Variants in ANKS1B observed in about 807,000 individuals in gnomAD.
ANKS1B encodes the protein ankyrin repeat and sterile alpha motif domain-containing protein 1B.
Under a neutral mutation model 148.3 loss-of-function variants are expected in ANKS1B, and 36 were observed. That is an observed-to-expected ratio of 0.24 (90% CI 0.19 to 0.32). ANKS1B has a LOEUF of 0.32. ANKS1B is among the 10% of genes least tolerant of loss of function. ANKS1B has a pLI of 1.00. For missense variants in ANKS1B, 1,157 were observed against 1,542.6 expected (o/e 0.75, Z 4.19); for synonymous variants, 542 against 560.8 (o/e 0.97, Z 0.47).
chr12:99,475,082 CA>C (rs1360823315), intron 10 of ANKS1B, among the ~76,000 whole-genome samples: 139 of 136,202 alleles, frequency 1.0e-3, no homozygotes, highest in Admixed American at 1.0e-3. Flanking sequence ...ACTAAAAATA[CA>C]AAAAAAAAAA....
intron 8 of ANKS1B, among the ~76,000 whole-genome samples, chr12:99,691,947 C>A (rs2098681317): frequency 6.6e-6 from 1 of 152,046 alleles, no homozygotes; most frequent in African/African-American, 2.4e-5. Flanking sequence ...GTTTAAGAGG[C>A]AAGAACAACA....
chr12:99,141,337 C>T (rs1316236225), intron 15 of ANKS1B, among the ~76,000 whole-genome samples: 1 of 151,976 alleles, frequency 6.6e-6, no homozygotes, highest in African/African-American at 2.4e-5. Context: ...ACAGAATGTG[C>T]TCTTGTTAAG....
At chr12:99,678,268 G>A (rs1395685102) in intron 8 of ANKS1B, among the ~76,000 whole-genome samples, 1 of 152,128 alleles carries the variant, frequency 6.6e-6, no homozygotes, top group Non-Finnish European at 1.5e-5. Context: ...ATGATTCCAG[G>A]AAGATGGCAG....
At chr12:99,829,249 G>A (rs1045105137) in intron 1 of ANKS1B, among the ~76,000 whole-genome samples, 7 of 151,346 alleles carry the variant, frequency 4.6e-5, no homozygotes, top group African/African-American at 1.5e-4. Flanking sequence ...GGTGGCTCAC[G>A]CCTGTAATCC....
intron 8 of ANKS1B, among the ~76,000 whole-genome samples, chr12:99,691,492 A>T (rs2098679132): frequency 6.6e-6 from 1 of 152,108 alleles, no homozygotes. Context: ...CATCTTTCTC[A>T]AGTTCAAAGT....
chr12:99,460,350 C>G (rs1055022897), intron 10 of ANKS1B, among the ~76,000 whole-genome samples: 1 of 152,074 alleles, frequency 6.6e-6, no homozygotes, highest in Admixed American at 6.6e-5. Context: ...TAGACATTGG[C>G]TTAAGCAAAG....
At chr12:99,854,905 T>A (rs953307900) in intron 1 of ANKS1B, among the ~76,000 whole-genome samples, 3 of 152,062 alleles carry the variant, frequency 2.0e-5, no homozygotes, top group Non-Finnish European at 4.4e-5. Flanking sequence ...GAGCTCTAAA[T>A]CTTGAAACAA....
At chr12:98,983,523 A>G (rs1388507577) in intron 17 of ANKS1B, among the ~76,000 whole-genome samples, 1 of 152,242 alleles carries the variant, frequency 6.6e-6, no homozygotes, top group East Asian at 1.9e-4. Context: ...CATAGTCACA[A>G]GAATAATTCC....
intron 8 of ANKS1B, among the ~76,000 whole-genome samples, chr12:99,670,140 C>A (rs926475507): frequency 2.0e-5 from 3 of 152,158 alleles, no homozygotes; most frequent in Non-Finnish European, 2.9e-5. Context: ...ATCTGTTTCT[C>A]CATTTTAGAC....
At chr12:99,821,046 T>A (rs965396380) in intron 2 of ANKS1B, among the ~76,000 whole-genome samples, 1 of 152,152 alleles carries the variant, frequency 6.6e-6, no homozygotes, top group South Asian at 2.1e-4. Context: ...ACATACACTC[T>A]ATATGAAATT....
At chr12:99,632,782 T>C (rs2098183834) in intron 9 of ANKS1B, among the ~76,000 whole-genome samples, 1 of 129,692 alleles carries the variant, frequency 7.7e-6, no homozygotes, top group East Asian at 2.4e-4. Context: ...AATTATACTT[T>C]AAGTTCTAGG....
At chr12:99,477,488 T>C (rs574947494) in intron 10 of ANKS1B, among the ~76,000 whole-genome samples, 18 of 152,278 alleles carry the variant, frequency 1.2e-4, no homozygotes, top group African/African-American at 4.1e-4. Context: ...AGCCAGACTG[T>C]CTGGGTTTAA....
At chr12:99,403,578 T>C (rs949162310) in intron 11 of ANKS1B, among the ~76,000 whole-genome samples, 2 of 145,492 alleles carry the variant, frequency 1.4e-5, no homozygotes, top group African/African-American at 5.2e-5. Flanking sequence ...TCTCCCCTTC[T>C]GTGGGTTGTC....
chr12:99,508,082 T>C (rs1331859044), intron 9 of ANKS1B, among the ~76,000 whole-genome samples: 1 of 151,924 alleles, frequency 6.6e-6, no homozygotes, highest in Non-Finnish European at 1.5e-5. Context: ...ATATATATAG[T>C]ATCAAATGCT....
chr12:99,901,682 T>C (rs73376132), intron 1 of ANKS1B, among the ~76,000 whole-genome samples: 7,317 of 152,268 alleles, frequency 0.048, 560 homozygotes, highest in African/African-American at 0.16. Context: ...AAGCCAAAAA[T>C]GAACATAAGA....
At chr12:98,894,877 C>A in intron 17 of ANKS1B, 22 of 977,406 alleles carry the variant, frequency 2.3e-5, no homozygotes, top group Non-Finnish European at 2.7e-5. Flanking sequence ...GCTCCCCGGG[C>A]CCGCGCGCGC....
chr12:99,777,136 T>C (rs996834802), intron 6 of ANKS1B, among the ~76,000 whole-genome samples: 1 of 152,248 alleles, frequency 6.6e-6, no homozygotes, highest in Non-Finnish European at 1.5e-5. Context: ...AAAGATTAAA[T>C]GAACAGATCC....
At chr12:99,778,666 G>A (rs761988578) in intron 6 of ANKS1B, among the ~76,000 whole-genome samples, 16 of 152,092 alleles carry the variant, frequency 1.1e-4, no homozygotes, top group Admixed American at 2.0e-4. Context: ...AAAAGGCTAT[G>A]ATGGGATTTT....
rs1374797654 is a variant in ANKS1B, at chr12:99,445,259, A to ATT, written c.1439-1451_1439-1450insAA. ...CTTCTTTCATTCATCTAAAAACTAC[A>ATT]CATGTAAGAACACTTATTTGGGGCA... On this transcript the variant is annotated intron_variant, in intron 10 of 26. Transcript: ENST00000683438. Among the ~76,000 whole-genome samples the ATT allele has an allele frequency of 4.6e-5, 7 of 152,108 alleles. No individual in the cohort carries two copies. The East Asian group carries it at 1.4e-3, about 29-fold the overall frequency.
Sources: gnomAD v4.1 joint callset for allele counts (sites outside exome capture counted in the v4.1 genomes callset) on GRCh38, gnomAD v4.1.1 for gene constraint, MANE v1.5 for transcripts, NCBI Gene and HGNC (gene_info 2026-07-23, HGNC 2026-07-21) for gene names.